DPP6: variants seen among roughly 807,000 people sequenced by gnomAD.
The protein encoded by DPP6 is dipeptidyl peptidase like 6.
A neutral mutation model predicts 122.6 loss-of-function variants in DPP6; 69 were observed. That is an observed-to-expected ratio of 0.56 (90% CI 0.46 to 0.69). The LOEUF (loss-of-function observed/expected upper bound fraction) is 0.69, where lower values mean the gene tolerates loss of function less well. DPP6 is among the 30% of genes least tolerant of loss of function. The probability of loss-of-function intolerance (pLI) is 0.00; values close to 1 mark genes in which losing one functional copy is unlikely to be tolerated. For missense variants in DPP6, 928 were observed against 1,116.9 expected (o/e 0.83, Z 2.41); for synonymous variants, 418 against 433.1 (o/e 0.97, Z 0.43).
intron 5 of DPP6, among the ~76,000 whole-genome samples, chr7:154,608,920 T>G (rs1833741454): frequency 6.6e-6 from 1 of 152,138 alleles, no homozygotes. Flanking sequence ...CTAGTTCCAG[T>G]CCCGTTTTCA....
chr7:153,932,854 G>C (rs542109293), intron 1 of DPP6, among the ~76,000 whole-genome samples: 2 of 152,074 alleles, frequency 1.3e-5, no homozygotes, highest in Non-Finnish European at 2.9e-5. Flanking sequence ...AAATCTCATC[G>C]TGAATTGTAG....
At position 154,139,925 on chromosome 7, in the gene DPP6, G is replaced by A. The variant is rs183067903; in HGVS notation, c.243+86862G>A. 3.7e-3 allele frequency among the ~76,000 whole-genome samples: 570 copies of A among 152,274 alleles called. 4 individuals carry two copies. Among genetic ancestry groups the A allele is most frequent in the Middle Eastern group, 0.024 (7 of 294 alleles). On this transcript the variant is annotated intron_variant, in intron 1 of 25. Transcript: ENST00000377770. ...AATAATGGCATTGCCCTTGGGAAAG[G>A]AGAAACAGATAAAGATTCCTTCTCT...
intron 1 of DPP6, among the ~76,000 whole-genome samples, chr7:154,029,399 C>G (rs1489406019): frequency 1.3e-5 from 2 of 151,672 alleles, no homozygotes; most frequent in African/African-American, 4.8e-5. Context: ...CGCCTGTAGT[C>G]CCAGCTACTT....
At chr7:154,404,489 G>A (rs914093362) in intron 1 of DPP6, among the ~76,000 whole-genome samples, 4 of 152,126 alleles carry the variant, frequency 2.6e-5, no homozygotes, top group African/African-American at 4.8e-5. Context: ...TTTGAGCTAC[G>A]GGAGTGCCCA....
chr7:154,389,611 G>A (rs553628094), intron 1 of DPP6, among the ~76,000 whole-genome samples: 53 of 152,200 alleles, frequency 3.5e-4, no homozygotes, highest in Non-Finnish European at 7.1e-4. Context: ...TTATTTTAGT[G>A]CCTAAATATT....
chr7:154,171,597 G>C (rs1585545176), intron 1 of DPP6, among the ~76,000 whole-genome samples: 1 of 152,212 alleles, frequency 6.6e-6, no homozygotes, highest in South Asian at 2.1e-4. Context: ...GGCCCTGCTG[G>C]CAGCCATTAC....
chr7:153,852,056 ATTCAGCCTTTGGAGTTTGTTAT>A, the DPP6 span, among the ~76,000 whole-genome samples: 1 of 152,158 alleles, frequency 6.6e-6, no homozygotes, highest in Non-Finnish European at 1.5e-5. Context: ...ATTGTGTGTT[ATTCAGCCTTTGGAGTTTGTTAT>A]TTCATGGTGG....
rs183761694 is a variant in DPP6 at position 153,936,479 on chromosome 7, G to A, written c.51+48745G>A. On this transcript the variant is annotated intron_variant, in intron 1 of 25. Transcript: ENST00000404039. Reference sequence around the variant, plus strand: ...CGGTGTTCCCATCTTCCCGCACGTAGACAGAGTCTGGGACTGAGTTAATGC... The same window carrying A: ...CGGTGTTCCCATCTTCCCGCACGTAAACAGAGTCTGGGACTGAGTTAATGC... Among the ~76,000 whole-genome samples, 63 of 152,196 alleles carry A rather than the reference G, an allele frequency of 4.1e-4. No homozygotes were observed. In the East Asian group the frequency reaches 9.9e-3, roughly 24 times the overall value.
chr7:154,257,279 T>A (rs915192542), intron 1 of DPP6, among the ~76,000 whole-genome samples: 1 of 152,068 alleles, frequency 6.6e-6, no homozygotes, highest in Admixed American at 6.6e-5. Flanking sequence ...TCCTACCTGT[T>A]GTAATGAAAC....
intron 1 of DPP6, among the ~76,000 whole-genome samples, chr7:154,207,369 A>G (rs1799504914): frequency 6.6e-6 from 1 of 152,202 alleles, no homozygotes; most frequent in Non-Finnish European, 1.5e-5. Flanking sequence ...TATATTTATC[A>G]ATTGGCATGA....
intron 17 of DPP6, among the ~76,000 whole-genome samples, chr7:154,856,509 G>A (rs1802842689): frequency 2.0e-5 from 3 of 152,178 alleles, no homozygotes; most frequent in African/African-American, 7.2e-5. Flanking sequence ...GTGGGCTGAG[G>A]TGCAATTCTT....
intron 2 of DPP6, among the ~76,000 whole-genome samples, chr7:154,472,852 CATACTTTCCCTATATAGA>C (rs139517455): frequency 0.02 from 3,044 of 152,282 alleles, 63 homozygotes; most frequent in Middle Eastern, 0.044. Flanking sequence ...GCCTCCACCA[CATACTTTCCCTATATAGA>C]AGTCTTAAGT....
intron 2 of DPP6, among the ~76,000 whole-genome samples, chr7:154,446,717 T>G (rs996661559): frequency 5.9e-5 from 9 of 152,198 alleles, no homozygotes; most frequent in African/African-American, 2.2e-4. Flanking sequence ...AAGGAGAAGG[T>G]GCTAAATAGG....
chr7:154,792,929 T>C (rs533171373), intron 10 of DPP6, among the ~76,000 whole-genome samples: 67 of 152,334 alleles, frequency 4.4e-4, no homozygotes, highest in African/African-American at 1.6e-3. Flanking sequence ...CTGTTCCTTC[T>C]GTTTGCCACA....
intron 3 of DPP6, among the ~76,000 whole-genome samples, chr7:154,504,093 T>A (rs1257149874): frequency 2.0e-5 from 3 of 152,258 alleles, no homozygotes; most frequent in African/African-American, 7.2e-5. Context: ...CTACTCACTA[T>A]TATTTTTAAT....
chr7:154,545,943 T>G (rs1164609720), intron 4 of DPP6, among the ~76,000 whole-genome samples: 1 of 152,222 alleles, frequency 6.6e-6, no homozygotes, highest in Non-Finnish European at 1.5e-5. Context: ...ATTGTATCAC[T>G]TAAATTCTGC....
chr7:154,854,591 C>A (rs2150581071), intron 17 of DPP6, among the ~76,000 whole-genome samples: 1 of 152,294 alleles, frequency 6.6e-6, no homozygotes, highest in East Asian at 1.9e-4. Context: ...CTGGGCAATG[C>A]AGGCCGAAGA....
At chr7:154,035,736 T>C (rs1040694231) in intron 1 of DPP6, among the ~76,000 whole-genome samples, 29 of 152,320 alleles carry the variant, frequency 1.9e-4, no homozygotes, top group African/African-American at 7.0e-4. Flanking sequence ...CTGAATGCTT[T>C]AAAATCTTGT....
chr7:154,404,407 A>G lies in DPP6; in HGVS notation c.244-41807A>G, dbSNP rs1815896550. Among the ~76,000 whole-genome samples the G allele has an allele frequency of 1.3e-5, 2 of 152,264 alleles. 1 individual carries two copies. Among genetic ancestry groups the G allele is most frequent in the African/African-American group, 4.8e-5 (2 of 41,470 alleles). On this transcript the variant is annotated intron_variant, in intron 1 of 25. Transcript: ENST00000377770. Reference sequence around the variant, plus strand: ...CTTGAAGACAACAACATTAGACTTTATAAAATACCACACAGAAAATCAGAA... The same window carrying G: ...CTTGAAGACAACAACATTAGACTTTGTAAAATACCACACAGAAAATCAGAA...
Sources: gnomAD v4.1 joint callset for allele counts (sites outside exome capture counted in the v4.1 genomes callset) on GRCh38, gnomAD v4.1.1 for gene constraint, MANE v1.5 for transcripts, NCBI Gene and HGNC (gene_info 2026-07-23, HGNC 2026-07-21) for gene names.